EEFSEC: variants seen among roughly 807,000 people sequenced by gnomAD.
EEFSEC encodes the protein eukaryotic elongation factor, selenocysteine-tRNA specific, also known as selenocysteine-specific elongation factor.
Under a neutral mutation model 42.1 loss-of-function variants are expected in EEFSEC, and 43 were observed. That is an observed-to-expected ratio of 1.02 (90% CI 0.80 to 1.32). The LOEUF is 1.32. EEFSEC is among the 40% of genes most tolerant of loss of function. The probability of loss-of-function intolerance (pLI) is 0.00; values close to 1 mark genes in which losing one functional copy is unlikely to be tolerated. For missense variants in EEFSEC, 745 were observed against 803.6 expected (o/e 0.93, Z 0.88); for synonymous variants, 354 against 339.1 (o/e 1.04, Z -0.48).
intron 1 of EEFSEC, among the ~76,000 whole-genome samples, chr3:128,156,635 T>C (rs1039001608): frequency 1.3e-5 from 2 of 152,264 alleles, no homozygotes; most frequent in Non-Finnish European, 2.9e-5. Flanking sequence ...TTTCACTTCA[T>C]TTCAAACACA....
At chr3:128,295,196 G>A (rs1296522880) in intron 4 of EEFSEC, among the ~76,000 whole-genome samples, 2 of 152,296 alleles carry the variant, frequency 1.3e-5, no homozygotes, top group African/African-American at 2.4e-5. Flanking sequence ...CTCAACACTG[G>A]CAGCAGTGCG....
chr3:128,183,445 C>T (rs1197546222), intron 1 of EEFSEC, among the ~76,000 whole-genome samples: 2 of 152,192 alleles, frequency 1.3e-5, no homozygotes, highest in African/African-American at 2.4e-5. Context: ...CTATGTCTGT[C>T]TAATCATTGA....
At chr3:128,189,563 T>C (rs1025213305) in intron 1 of EEFSEC, among the ~76,000 whole-genome samples, 67 of 151,344 alleles carry the variant, frequency 4.4e-4, no homozygotes, top group Non-Finnish European at 8.3e-4. Flanking sequence ...CTTTTCTTTT[T>C]TTTTTTTTTT....
At chr3:128,405,609 C>T (rs1007922302) in intron 6 of EEFSEC, among the ~76,000 whole-genome samples, 2 of 152,234 alleles carry the variant, frequency 1.3e-5, no homozygotes, top group African/African-American at 2.4e-5. Context: ...CGCCAGCCAG[C>T]GCTCCCAGTC....
At chr3:128,201,578 G>A (rs1469429851) in intron 1 of EEFSEC, among the ~76,000 whole-genome samples, 2 of 152,124 alleles carry the variant, frequency 1.3e-5, no homozygotes, top group African/African-American at 4.8e-5. Flanking sequence ...TTATTTTGTT[G>A]TTGAGTTATA....
rs116179129 is a variant in EEFSEC, at chr3:128,354,368, C to A, written c.1444-3849C>A. ...AAACTGCCACTCCAGCCCCAGAGGC[C>A]CTCCTCAGAAGGTCAAAAAAAGCCC... On this transcript the variant is annotated intron_variant, in intron 5 of 6. Transcript: ENST00000254730. Among the ~76,000 whole-genome samples, 1,157 of 152,258 alleles carry A rather than the reference C, an allele frequency of 7.6e-3. 14 individuals are homozygous for A. The highest frequency in any genetic ancestry group is 0.027 in the African/African-American group (1,102 of 41,542).
At chr3:128,164,607 A>C (rs1352726312) in intron 1 of EEFSEC, among the ~76,000 whole-genome samples, 2 of 152,130 alleles carry the variant, frequency 1.3e-5, no homozygotes, top group African/African-American at 4.8e-5. Context: ...GGCCAGTCCA[A>C]CTGGCTTGTG....
At chr3:128,177,196 AT>A (rs2065358627) in intron 1 of EEFSEC, among the ~76,000 whole-genome samples, 1 of 151,994 alleles carries the variant, frequency 6.6e-6, no homozygotes, top group African/African-American at 2.4e-5. Context: ...AATTTATATG[AT>A]TAAGTTTTGG....
chr3:128,328,029 G>T (rs1030466878), intron 4 of EEFSEC, among the ~76,000 whole-genome samples: 2 of 152,190 alleles, frequency 1.3e-5, no homozygotes, highest in Non-Finnish European at 2.9e-5. Context: ...TGAGGACTTG[G>T]TACTTACAAG....
At chr3:128,217,512 CG>C (rs1373290292) in intron 1 of EEFSEC, among the ~76,000 whole-genome samples, 4 of 152,156 alleles carry the variant, frequency 2.6e-5, no homozygotes, top group Admixed American at 2.6e-4. Flanking sequence ...CTTAAGGACC[CG>C]TGACCCTTTA....
intron 1 of EEFSEC, among the ~76,000 whole-genome samples, chr3:128,224,485 A>G (rs4857838): frequency 0.71 from 107,709 of 151,994 alleles, 38,402 homozygotes; most frequent in East Asian, 0.89. Flanking sequence ...TCTGCCTTCA[A>G]GGAGGTTTTA....
chr3:128,215,131 C>T (rs1018865645), intron 1 of EEFSEC, among the ~76,000 whole-genome samples: 1 of 152,206 alleles, frequency 6.6e-6, no homozygotes, highest in Non-Finnish European at 1.5e-5. Flanking sequence ...ACCTGGACCA[C>T]ACATTTGGGA....
intron 1 of EEFSEC, among the ~76,000 whole-genome samples, chr3:128,197,614 G>A (rs1005386498): frequency 3.9e-5 from 6 of 152,078 alleles, no homozygotes; most frequent in African/African-American, 1.2e-4. Context: ...TTTCTTCTCA[G>A]AAGGCTGTAC....
At chr3:128,417,286 G>A in the EEFSEC span, among the ~76,000 whole-genome samples, 1 of 151,864 alleles carries the variant, frequency 6.6e-6, no homozygotes, top group Non-Finnish European at 1.5e-5. This position sits in a 1 kb window ranked among gnomAD's most constrained non-coding sequence, Gnocchi z 4.3. Flanking sequence ...GGCCCTGCAC[G>A]ACCTCCCTGA....
chr3:128,169,062 C>T (rs1010234371), intron 1 of EEFSEC, among the ~76,000 whole-genome samples: 1 of 152,114 alleles, frequency 6.6e-6, no homozygotes, highest in Admixed American at 6.5e-5. Flanking sequence ...GTTGGGGAGG[C>T]AGATGGTACA....
chr3:128,402,611 C>G (rs971343024), intron 6 of EEFSEC, among the ~76,000 whole-genome samples: 1 of 152,248 alleles, frequency 6.6e-6, no homozygotes, highest in African/African-American at 2.4e-5. Context: ...CGAGAGGATT[C>G]AGTACCTCCG....
chr3:128,397,809 G>T (rs1486801508), intron 6 of EEFSEC, among the ~76,000 whole-genome samples: 1 of 152,284 alleles, frequency 6.6e-6, no homozygotes. Context: ...TGGATGGGGG[G>T]CATGAGCCCC....
intron 5 of EEFSEC, among the ~76,000 whole-genome samples, chr3:128,348,502 C>T (rs2067344049): frequency 6.6e-6 from 1 of 152,066 alleles, no homozygotes. Context: ...ACATTCTAAC[C>T]TGCTTTTTAA....
chr3:128,194,997 C>T lies in EEFSEC; in HGVS notation c.316+41174C>T, dbSNP rs533908149. 4.6e-5 allele frequency among the ~76,000 whole-genome samples: 7 copies of T among 152,300 alleles called. No homozygotes were observed. In the East Asian group the frequency reaches 1.3e-3, roughly 29 times the overall value. ...TTACCCTCCTCCCTCCTCGCTCCTC[C>T]TTCTTGGAGCTGGTCAGCCAGTGCT... On this transcript the variant is annotated intron_variant, in intron 1 of 6. Transcript: ENST00000254730.
Sources: allele counts gnomAD v4.1 joint callset (sites outside exome capture counted in the v4.1 genomes callset), GRCh38; gene constraint gnomAD v4.1.1; non-coding constraint Gnocchi (gnomAD v3.1); transcripts MANE v1.5; gene names NCBI Gene and HGNC (gene_info 2026-07-23, HGNC 2026-07-21).